Variants in RNF216 observed in about 807,000 individuals in gnomAD.
RNF216 encodes ring finger protein 216, also known as E3 ubiquitin-protein ligase RNF216.
In RNF216, 72 loss-of-function variants were observed where a neutral mutation model predicts 110.8. The ratio of observed to expected loss-of-function variants is 0.65; its 90% CI spans 0.54 to 0.79. The LOEUF (loss-of-function observed/expected upper bound fraction) is 0.79, where lower values mean the gene tolerates loss of function less well. Among genes scored for constraint, RNF216 ranks in the 30% least tolerant of loss-of-function variants. The pLI, the probability that RNF216 is intolerant of heterozygous loss-of-function variation, is 0.00. For synonymous variants in RNF216, 495 were observed against 407.5 expected, an observed-to-expected ratio of 1.21 and a Z score of -2.59; for missense variants, 1,342 against 1,141.2, an observed-to-expected ratio of 1.18 and a Z score of -2.54.
chr7:5,766,587 C>A (rs1193864178), intron 1 of RNF216, among the ~76,000 whole-genome samples: 1 of 152,152 alleles, frequency 6.6e-6, no homozygotes, highest in African/African-American at 2.4e-5. Flanking sequence ...AGAGAACTAA[C>A]CAGAATCCAA....
At position 5,680,858 on chromosome 7, in the gene RNF216, A is replaced by C. The variant is rs1340251965; in HGVS notation, c.2062-28348T>G. Among the ~76,000 whole-genome samples, 3 of 151,012 alleles carry C rather than the reference A, an allele frequency of 2.0e-5. No homozygotes were observed. Among genetic ancestry groups the C allele is most frequent in the African/African-American group, 7.3e-5 (3 of 41,006 alleles). ...CAATTCCTCCTTTCTCTTTACCCCC[A>C]CTCATTCCAGCTTGTCCTTTCTGTT... On this transcript the variant is annotated intron_variant, in intron 13 of 16. Transcript: ENST00000389902. This position sits in a 1 kb window ranked among gnomAD's most constrained non-coding sequence, Gnocchi z 4.3.
At chr7:5,685,372 G>A (rs933077067) in intron 13 of RNF216, among the ~76,000 whole-genome samples, 1 of 152,194 alleles carries the variant, frequency 6.6e-6, no homozygotes, top group African/African-American at 2.4e-5. Flanking sequence ...CTGTTGGCCT[G>A]TGTTCTCTCC....
intron 13 of RNF216, among the ~76,000 whole-genome samples, chr7:5,692,981 C>A (rs1791424720): frequency 6.6e-6 from 1 of 152,202 alleles, no homozygotes; most frequent in African/African-American, 2.4e-5. Flanking sequence ...TCTTCCTCCT[C>A]CCATTTAAGA....
In RNF216 at chr7:5,730,769, G is replaced by A. The variant is rs111942365; in HGVS notation, c.1170C>T (p.Asp390=). Residue 390 remains aspartate, a synonymous_variant, in exon 6 of 17, where the codon GAC becomes GAT. Coordinates refer to ENST00000389902, the MANE Select transcript of RNF216 (RefSeq NM_207111.4). ...TGCTACTGGGATTTATAATGATTCT[G>A]TCTTCTCTCTTTGGATAATCTGGGT... The part of the protein sequence containing the change: ...LENPDYPKRE[D]RIIINPSSSL... 0.05 allele frequency: 80,137 copies of A among 1,607,460 alleles called. 3,217 individuals carry two copies. The highest frequency in any genetic ancestry group is 0.29 in the African/African-American group (21,473 of 73,198).
At chr7:5,718,531 CAG>C (rs958367878) in intron 9 of RNF216, among the ~76,000 whole-genome samples, 1 of 151,292 alleles carries the variant, frequency 6.6e-6, no homozygotes, top group African/African-American at 2.4e-5. Context: ...TCAAAACAAA[CAG>C]AAAGAAATAA....
chr7:5,640,292 CAAGAAA>C (rs1787658380), intron 15 of RNF216, among the ~76,000 whole-genome samples: 1 of 152,094 alleles, frequency 6.6e-6, no homozygotes, highest in Non-Finnish European at 1.5e-5. Flanking sequence ...TGATGTAATG[CAAGAAA>C]AACCTTATCT....
intron 13 of RNF216, among the ~76,000 whole-genome samples, chr7:5,660,928 C>A (rs1050582378): frequency 1.4e-5 from 2 of 142,844 alleles, no homozygotes; most frequent in Non-Finnish European, 3.0e-5. Flanking sequence ...TAGCTCCATG[C>A]TCCTGAAGCC....
chr7:5,719,768 T>TA (rs1294160116), intron 9 of RNF216, among the ~76,000 whole-genome samples: 2 of 152,206 alleles, frequency 1.3e-5, no homozygotes, highest in African/African-American at 4.8e-5. Context: ...GCCTGCCAAA[T>TA]ACCTATTTTG....
chr7:5,746,375 G>C (rs1291547418), intron 3 of RNF216, among the ~76,000 whole-genome samples: 4 of 152,290 alleles, frequency 2.6e-5, no homozygotes, highest in African/African-American at 7.2e-5. Context: ...TACGGCTTGA[G>C]TCAAGCCCCC....
At chr7:5,686,332 C>G (rs1209670642) in intron 13 of RNF216, among the ~76,000 whole-genome samples, 1 of 152,080 alleles carries the variant, frequency 6.6e-6, no homozygotes, top group Admixed American at 6.6e-5. Flanking sequence ...TGTCAAAGAG[C>G]CCTTACCTGT....
At chr7:5,714,390 C>T (rs7803308) in intron 11 of RNF216, among the ~76,000 whole-genome samples, 124,599 of 152,114 alleles carry the variant, frequency 0.82, 52,952 homozygotes, top group Non-Finnish European at 0.92. Flanking sequence ...TCCCCAGTAG[C>T]TGAGATTATA....
At position 5,715,154 on chromosome 7, in the gene RNF216, C is replaced by G; in HGVS notation, c.1732G>C (p.Glu578Gln). 6.2e-7 allele frequency: 1 copy of G among 1,613,752 alleles called. No individual in the cohort carries two copies. Among genetic ancestry groups the G allele is most frequent in the Admixed American group, 1.7e-5 (1 of 60,026 alleles). ...QLIECRCCYG[E>Q]FPFEELTQCA... ...TGCGTCAGCTCCTCGAATGGAAATT[C>G]CCCATAGCAGCAGCGACACTCAATC... is the stretch of plus-strand genomic sequence containing the variant. The change falls in exon 11 of 17, where the codon GAA (glutamate) becomes CAA (glutamine). Residue 578 changes from glutamate to glutamine, a missense_variant. Physicochemically the swap from Glu to Gln is conservative, Grantham distance 29. Transcript: ENST00000389902.
intron 8 of RNF216, among the ~76,000 whole-genome samples, chr7:5,724,677 T>C (rs1793641817): frequency 6.6e-6 from 1 of 152,202 alleles, no homozygotes; most frequent in African/African-American, 2.4e-5. Flanking sequence ...TTACCTGAGT[T>C]TCCACTTAGT....
At chr7:5,770,848 C>T (rs1349236941) in intron 1 of RNF216, among the ~76,000 whole-genome samples, 2 of 151,742 alleles carry the variant, frequency 1.3e-5, no homozygotes, top group Admixed American at 6.6e-5. Context: ...TGCTCTGTCG[C>T]CCAGGCCGGA....
intron 13 of RNF216, among the ~76,000 whole-genome samples, chr7:5,667,669 G>T (rs1054421739): frequency 6.6e-6 from 1 of 152,176 alleles, no homozygotes; most frequent in South Asian, 2.1e-4. Flanking sequence ...GGCTTCCCAG[G>T]GTTTTGCTGG....
intron 3 of RNF216, among the ~76,000 whole-genome samples, chr7:5,748,191 A>G (rs57948142): frequency 0.078 from 11,937 of 152,200 alleles, 560 homozygotes; most frequent in East Asian, 0.12. Context: ...GAACTACTAC[A>G]TATAGATCTT....
At chr7:5,670,275 G>A (rs1789818011) in intron 13 of RNF216, among the ~76,000 whole-genome samples, 1 of 151,898 alleles carries the variant, frequency 6.6e-6, no homozygotes, top group South Asian at 2.1e-4. Context: ...GAGACTTTCA[G>A]GATCCATTTC....
chr7:5,749,154 T>A (rs1795203068), intron 3 of RNF216, among the ~76,000 whole-genome samples: 2 of 150,624 alleles, frequency 1.3e-5, no homozygotes, highest in African/African-American at 2.4e-5. Context: ...CATGTATTTT[T>A]TTTTTTTTTT....
chr7:5,721,248 C>A, intron 8 of RNF216, 76 bp from the exon 9 acceptor site: 2 of 1,329,366 alleles, frequency 1.5e-6, no homozygotes, highest in Non-Finnish European at 2.1e-6. Flanking sequence ...GTCCATTCTT[C>A]CCGGCCTCAT....
Sources: allele counts gnomAD v4.1 joint callset (sites outside exome capture counted in the v4.1 genomes callset), GRCh38; gene constraint gnomAD v4.1.1; non-coding constraint Gnocchi (gnomAD v3.1); transcripts MANE v1.5; gene names NCBI Gene and HGNC (gene_info 2026-07-23, HGNC 2026-07-21).